HTATIP2: variants seen among roughly 807,000 people sequenced by gnomAD.
HTATIP2 encodes the protein HIV-1 Tat interactive protein 2.
Under a neutral mutation model 24.7 loss-of-function variants are expected in HTATIP2, and 26 were observed. That is an observed-to-expected ratio of 1.05 (90% CI 0.77 to 1.46). HTATIP2 has a LOEUF of 1.46. HTATIP2 is among the 40% of genes most tolerant of loss of function. The pLI, the probability that HTATIP2 is intolerant of heterozygous loss-of-function variation, is 0.00. For missense variants in HTATIP2, 284 were observed against 289.6 expected, an observed-to-expected ratio of 0.98 and a Z score of 0.14; for synonymous variants, 99 against 113.2, an observed-to-expected ratio of 0.87 and a Z score of 0.79.
In HTATIP2 at chr11:20,363,953, C is replaced by T; in HGVS notation, c.-285C>T. Reference sequence around the variant, plus strand: ...ATGGGACCGAGCTGGGCCAGGTCTCCTGGCCGGGCCGGGGATACCGTGGGG... The same window carrying T: ...ATGGGACCGAGCTGGGCCAGGTCTCTTGGCCGGGCCGGGGATACCGTGGGG... On this transcript the variant is annotated 5_prime_UTR_variant, in exon 1 of 5. Transcript: ENST00000451739. 1.6e-6 allele frequency: 2 copies of T among 1,244,046 alleles called. No individual in the cohort carries two copies. Among genetic ancestry groups the T allele is most frequent in the Non-Finnish European group, 2.0e-6 (2 of 991,966 alleles). 77.1% of individuals were successfully genotyped at this position (1,244,046 alleles called of 1,614,324 possible).
intron 2 of HTATIP2, among the ~76,000 whole-genome samples, chr11:20,369,136 T>C (rs946744682): frequency 6.6e-6 from 1 of 152,186 alleles, no homozygotes; most frequent in African/African-American, 2.4e-5. Flanking sequence ...TTAGCCAATA[T>C]GAAAGAGGTG....
At chr11:20,377,091 C>G (rs1006047891) in intron 3 of HTATIP2, among the ~76,000 whole-genome samples, 4 of 151,032 alleles carry the variant, frequency 2.6e-5, no homozygotes, top group African/African-American at 9.7e-5. Flanking sequence ...GAAATCTATC[C>G]TGAAGCAGTA....
intron 2 of HTATIP2, 129 bp downstream of exon 2, chr11:20,367,410 C>T: frequency 6.4e-7 from 1 of 1,561,724 alleles, no homozygotes; most frequent in Non-Finnish European, 8.7e-7. Context: ...GTTTAAGATT[C>T]TATATGCTGC....
intron 3 of HTATIP2, 52 bp downstream of exon 3, chr11:20,376,769 G>T (rs771681096): frequency 1.3e-5 from 19 of 1,434,290 alleles, no homozygotes; most frequent in Admixed American, 2.2e-5. Context: ...TAGCTATTTG[G>T]CAGTACTAAA....
chr11:20,371,216 T>C (rs1448276867), intron 2 of HTATIP2, among the ~76,000 whole-genome samples: 1 of 147,526 alleles, frequency 6.8e-6, no homozygotes, highest in African/African-American at 2.5e-5. Context: ...CTGTTGTTTA[T>C]TTGATGTCTA....
chr11:20,378,803 C>T (rs967788551), intron 3 of HTATIP2, among the ~76,000 whole-genome samples: 9 of 152,026 alleles, frequency 5.9e-5, no homozygotes, highest in African/African-American at 2.2e-4. Flanking sequence ...TTTGGGAGGC[C>T]GAGGTGGGAA....
In HTATIP2 at chr11:20,383,540, TTTGA is replaced by T; in HGVS notation, c.*336_*339del. ...CGATGCCACTGGCTGGGGGGCCTGC[TTTGA>T]AATGCTTGTCTGCAGAGTCACAGCA... is the stretch of plus-strand genomic sequence containing the variant. On this transcript the variant is annotated 3_prime_UTR_variant, in exon 5 of 5. Coordinates refer to ENST00000451739, the MANE Select transcript of HTATIP2 (RefSeq NM_001098522.2). 3.8e-6 allele frequency: 1 copy of T among 260,086 alleles called. No individual in the cohort carries two copies. Among genetic ancestry groups the T allele is most frequent in the East Asian group, 9.0e-5 (1 of 11,076 alleles). The allele number at this position is 260,086 out of a possible 1,614,324, so 16.1% of individuals were successfully genotyped here.
rs1266124153 is a variant in HTATIP2 at position 20,383,242 on chromosome 11, C to T, written c.*37C>T. 1 of 1,462,410 alleles carries T rather than the reference C, an allele frequency of 6.8e-7. No homozygotes were observed. The highest frequency in any genetic ancestry group is 1.8e-4 in the Middle Eastern group (1 of 5,712). The allele number at this position is 1,462,410 out of a possible 1,614,324, so 90.6% of individuals were successfully genotyped here. ...AAATGGTTTTTATTGTCAACCTTAACACCCATCACCAAATCGGTAATTTCA... is the reference window on the plus strand; with the variant it reads ...AAATGGTTTTTATTGTCAACCTTAATACCCATCACCAAATCGGTAATTTCA... On this transcript the variant is annotated 3_prime_UTR_variant, in exon 5 of 5. Transcript: ENST00000451739.
chr11:20,383,038 T>C lies in HTATIP2; in HGVS notation c.562T>C (p.Phe188Leu). The change falls in exon 5 of 5, where the codon TTT becomes CTT. Residue 188 changes from phenylalanine to leucine, a missense_variant. By Grantham distance (22) the Phe-to-Leu change is conservative (BLOSUM62 0). Coordinates refer to ENST00000451739, the MANE Select transcript of HTATIP2 (RefSeq NM_001098522.2). ...AGGTGAATGGCTGGTTAGAAAGTTC[T>C]TTGGCTCCTTACCAGACTCTTGGGC... Reference protein sequence around the residue: ...RPGEWLVRKFFGSLPDSWASG... With the variant: ...RPGEWLVRKFLGSLPDSWASG... 1 of 1,614,014 alleles carries C rather than the reference T, an allele frequency of 6.2e-7. No individual in the cohort carries two copies. Among genetic ancestry groups the C allele is most frequent in the East Asian group, 2.2e-5 (1 of 44,858 alleles).
chr11:20,372,728 T>A (rs1418045699), intron 2 of HTATIP2, among the ~76,000 whole-genome samples: 1 of 152,184 alleles, frequency 6.6e-6, no homozygotes, highest in East Asian at 1.9e-4. Context: ...ATGAAATAGC[T>A]TGCTTTAGTT....
intron 1 of HTATIP2, among the ~76,000 whole-genome samples, chr11:20,365,878 C>T (rs1295095611): frequency 1.4e-5 from 2 of 147,288 alleles, no homozygotes; most frequent in African/African-American, 5.0e-5. Flanking sequence ...GGCGGAGGTG[C>T]GAGAATCACT....
At chr11:20,365,869 G>A (rs898397560) in intron 1 of HTATIP2, among the ~76,000 whole-genome samples, 1 of 151,502 alleles carries the variant, frequency 6.6e-6, no homozygotes, top group South Asian at 2.1e-4. Context: ...TACTCAGGAG[G>A]CGGAGGTGCG....
chr11:20,376,157 C>T, intron 2 of HTATIP2: 1 of 181,484 alleles, frequency 5.5e-6, no homozygotes, highest in Non-Finnish European at 1.1e-5. Flanking sequence ...TCTCTTAGTG[C>T]CTGGGGAGTG....
chr11:20,370,278 C>T (rs1344807398), intron 2 of HTATIP2, among the ~76,000 whole-genome samples: 2 of 152,142 alleles, frequency 1.3e-5, no homozygotes, highest in Admixed American at 6.5e-5. Flanking sequence ...CTTTGAAAAC[C>T]AGATCTGTAT....
intron 2 of HTATIP2, among the ~76,000 whole-genome samples, chr11:20,370,599 A>G (rs754665420): frequency 6.6e-6 from 1 of 152,200 alleles, no homozygotes; most frequent in African/African-American, 2.4e-5. Context: ...AAGGTTTGCA[A>G]TACAGCCTGC....
chr11:20,370,287 A>T (rs1364922822), intron 2 of HTATIP2, among the ~76,000 whole-genome samples: 1 of 152,190 alleles, frequency 6.6e-6, no homozygotes, highest in Admixed American at 6.5e-5. Flanking sequence ...CCAGATCTGT[A>T]TTGTCCTGGA....
At chr11:20,371,332 C>A (rs2064770134) in intron 2 of HTATIP2, among the ~76,000 whole-genome samples, 1 of 152,298 alleles carries the variant, frequency 6.6e-6, no homozygotes, top group Non-Finnish European at 1.5e-5. Context: ...TGCTGGTTAG[C>A]TTTTGGAGGC....
At chr11:20,373,255 G>A (rs945399234) in intron 2 of HTATIP2, among the ~76,000 whole-genome samples, 6 of 152,136 alleles carry the variant, frequency 3.9e-5, no homozygotes, top group African/African-American at 1.4e-4. Context: ...TTAGCGAGGC[G>A]GGTGAAAGGA....
intron 3 of HTATIP2, among the ~76,000 whole-genome samples, chr11:20,377,956 T>G (rs1848468907): frequency 6.6e-6 from 1 of 152,244 alleles, no homozygotes; most frequent in African/African-American, 2.4e-5. Context: ...AGCTCCTTCA[T>G]GACTGCATCA....
Sources: gnomAD v4.1 joint callset for allele counts (sites outside exome capture counted in the v4.1 genomes callset) on GRCh38, gnomAD v4.1.1 for gene constraint, MANE v1.5 for transcripts, NCBI Gene and HGNC (gene_info 2026-07-23, HGNC 2026-07-21) for gene names.